DLG2: variants seen among roughly 807,000 people sequenced by gnomAD.
The protein encoded by DLG2 is disks large homolog 2.
In DLG2, 45 loss-of-function variants were observed where a neutral mutation model predicts 132.5. That is an observed-to-expected ratio of 0.34 (90% CI 0.27 to 0.44). The LOEUF (loss-of-function observed/expected upper bound fraction) is 0.44. Among genes scored for constraint, DLG2 ranks in the 20% least tolerant of loss-of-function variants. The pLI, the probability that DLG2 is intolerant of heterozygous loss-of-function variation, is 1.00. For synonymous variants in DLG2, 424 were observed against 419.6 expected, an observed-to-expected ratio of 1.01 and a Z score of -0.13; for missense variants, 1,045 against 1,196.9, an observed-to-expected ratio of 0.87 and a Z score of 1.87.
intron 21 of DLG2, among the ~76,000 whole-genome samples, chr11:83,527,870 C>G (rs2095647350): frequency 6.6e-6 from 1 of 152,092 alleles, no homozygotes; most frequent in East Asian, 1.9e-4. Flanking sequence ...CAGTGCAGAA[C>G]AGCTTGACTC....
chr11:83,878,521 C>T (rs2065334955), intron 15 of DLG2, among the ~76,000 whole-genome samples: 1 of 152,122 alleles, frequency 6.6e-6, no homozygotes, highest in African/African-American at 2.4e-5. Flanking sequence ...AAATACTGAA[C>T]TCCCACTGAG....
intron 18 of DLG2, among the ~76,000 whole-genome samples, chr11:83,681,467 C>G (rs1178811670): frequency 1.3e-5 from 2 of 152,136 alleles, no homozygotes; most frequent in African/African-American, 2.4e-5. Context: ...AACAGTCATG[C>G]CTTCTGCATT....
chr11:83,682,405 G>A, intron 18 of DLG2: 1 of 985,362 alleles, frequency 1.0e-6, no homozygotes, highest in Non-Finnish European at 1.2e-6. Flanking sequence ...ATATTTCCTT[G>A]TAACTCATCC....
intron 4 of DLG2, among the ~76,000 whole-genome samples, chr11:85,201,368 T>G (rs562352409): frequency 3.9e-5 from 6 of 152,294 alleles, no homozygotes; most frequent in African/African-American, 9.6e-5. Context: ...TGAAGACCCA[T>G]GCTGCCTGTG....
At chr11:84,695,933 TAA>T (rs2058568497) in intron 6 of DLG2, among the ~76,000 whole-genome samples, 1 of 151,482 alleles carries the variant, frequency 6.6e-6, no homozygotes, top group Admixed American at 6.6e-5. Context: ...GTCTGCTCCA[TAA>T]ATACTGCTAA....
intron 19 of DLG2, among the ~76,000 whole-genome samples, chr11:83,589,400 A>C (rs1407689000): frequency 1.3e-5 from 2 of 149,414 alleles, no homozygotes; most frequent in African/African-American, 4.9e-5. Flanking sequence ...AAGCTTCATA[A>C]GTGAAGGAGA....
intron 3 of DLG2, among the ~76,000 whole-genome samples, chr11:85,374,311 GTCACAC>G (rs1183765568): frequency 2.6e-5 from 4 of 152,158 alleles, no homozygotes; most frequent in Admixed American, 2.6e-4. Flanking sequence ...TGACATCCCA[GTCACAC>G]AAGAGGTTTT....
intron 19 of DLG2, among the ~76,000 whole-genome samples, chr11:83,591,033 T>G (rs917828179): frequency 2.6e-5 from 4 of 151,868 alleles, no homozygotes; most frequent in African/African-American, 9.7e-5. Flanking sequence ...CAGGACCAGA[T>G]GGATTCACAG....
At chr11:85,183,964 C>G (rs994595787) in intron 4 of DLG2, among the ~76,000 whole-genome samples, 1 of 151,944 alleles carries the variant, frequency 6.6e-6, no homozygotes, top group Non-Finnish European at 1.5e-5. Flanking sequence ...ACCAAAAAAT[C>G]TATAGGCTAA....
chr11:83,861,675 T>A (rs1458604265), intron 16 of DLG2, among the ~76,000 whole-genome samples: 1 of 151,998 alleles, frequency 6.6e-6, no homozygotes, highest in Non-Finnish European at 1.5e-5. Context: ...TTCGAAACAA[T>A]TGAACTCATG....
chr11:84,667,056 G>A (rs1485376549), intron 6 of DLG2, among the ~76,000 whole-genome samples: 1 of 152,014 alleles, frequency 6.6e-6, no homozygotes, highest in Non-Finnish European at 1.5e-5. Flanking sequence ...ATTTATTGAT[G>A]AGAATGCCAC....
chr11:83,795,958 A>G lies in DLG2; in HGVS notation c.1723-9166T>C, dbSNP rs148350281. The stretch of plus-strand genomic sequence containing the variant: ...ACATGCTATTTTCCATATCTAGAAC[A>G]TAGCTTCTCACTCTTTCCTCATCTG... On this transcript the variant is annotated intron_variant, in intron 17 of 27. Coordinates refer to ENST00000376104, the MANE Select transcript of DLG2 (RefSeq NM_001142699.3). 4.8e-3 allele frequency among the ~76,000 whole-genome samples: 730 copies of G among 152,310 alleles called. 10 individuals are homozygous for G. Among genetic ancestry groups the G allele is most frequent in the African/African-American group, 0.017 (703 of 41,560 alleles).
intron 21 of DLG2, among the ~76,000 whole-genome samples, chr11:83,492,060 A>G (rs771923185): frequency 1.4e-4 from 21 of 152,070 alleles, no homozygotes; most frequent in Admixed American, 1.3e-3. Flanking sequence ...AGAATTGAGT[A>G]TTTGCAGCAA....
intron 3 of DLG2, among the ~76,000 whole-genome samples, chr11:85,474,272 T>C (rs140776708): frequency 4.2e-4 from 64 of 152,130 alleles, no homozygotes; most frequent in African/African-American, 1.5e-3. Flanking sequence ...AAACTGTATT[T>C]ACTTCACAAC....
intron 3 of DLG2, among the ~76,000 whole-genome samples, chr11:85,548,377 G>T (rs2076459623): frequency 6.6e-6 from 1 of 152,188 alleles, no homozygotes; most frequent in Non-Finnish European, 1.5e-5. Context: ...TCCCAGAGGG[G>T]CACCCGCCAG....
At chr11:85,111,062 G>A (rs1474512244) in intron 6 of DLG2, among the ~76,000 whole-genome samples, 1 of 152,122 alleles carries the variant, frequency 6.6e-6, no homozygotes, top group East Asian at 1.9e-4. Context: ...CATGAAAGGA[G>A]AAGTAGGATG....
intron 9 of DLG2, among the ~76,000 whole-genome samples, chr11:84,147,297 C>A (rs561373896): frequency 6.6e-6 from 1 of 152,118 alleles, no homozygotes; most frequent in East Asian, 1.9e-4. Flanking sequence ...ACCAGGGGTA[C>A]TATGACTGCA....
chr11:83,601,511 T>TTC (rs1179268334), intron 19 of DLG2, among the ~76,000 whole-genome samples: 1 of 4,698 alleles, frequency 2.1e-4, no homozygotes, highest in Non-Finnish European at 4.9e-4. Context: ...TGTGATGTTC[T>TTC]TTTTTTTTTT....
chr11:83,721,152 G>A (rs1368212266), intron 18 of DLG2, among the ~76,000 whole-genome samples: 8 of 152,046 alleles, frequency 5.3e-5, no homozygotes, highest in Non-Finnish European at 8.8e-5. Context: ...AGAAGAGAAG[G>A]GGGATAGCAG....
Sources: allele counts gnomAD v4.1 joint callset (sites outside exome capture counted in the v4.1 genomes callset), GRCh38; gene constraint gnomAD v4.1.1; transcripts MANE v1.5; gene names NCBI Gene and HGNC (gene_info 2026-07-23, HGNC 2026-07-21).